The following TMEM175 variants were observed in gnomAD, a reference collection of about 807,000 sequenced individuals.
TMEM175 encodes the protein transmembrane protein 175.
TMEM175 carries 36 observed loss-of-function variants against 36.5 expected under a neutral mutation model. The ratio of observed to expected loss-of-function variants is 0.99; its 90% CI spans 0.76 to 1.30. The LOEUF (loss-of-function observed/expected upper bound fraction) is 1.30. Ranked by LOEUF, TMEM175 falls within the 50% of genes most tolerant of loss-of-function variation. TMEM175 has a pLI of 0.00. For missense variants in TMEM175, 705 were observed against 692.8 expected, an observed-to-expected ratio of 1.02 and a Z score of -0.20; for synonymous variants, 339 against 313.4, an observed-to-expected ratio of 1.08 and a Z score of -0.86.
At position 958,471 on chromosome 4, in the gene TMEM175, C is replaced by T. The variant is rs1434274928; in HGVS notation, c.1490C>T (p.Ser497Phe). Residue 497 changes from serine (S) to phenylalanine (F), a missense_variant, in exon 11 of 11, where the codon TCC becomes TTC. Transcript: ENST00000264771. ...PAPTGQDDPQ[S>F]QLLPAPC ...CCCACGGGCCAGGACGACCCACAGT[C>T]CCAGCTCCTCCCTGCCCCCTGCTAG... is the stretch of plus-strand genomic sequence containing the variant. 7 of 1,558,584 alleles carry T rather than the reference C, an allele frequency of 4.5e-6. No homozygotes were observed. Among genetic ancestry groups the T allele is most frequent in the Admixed American group, 1.9e-5 (1 of 53,766 alleles).
chr4:939,577 G>T (rs186368964), intron 1 of TMEM175, among the ~76,000 whole-genome samples: 3 of 152,136 alleles, frequency 2.0e-5, no homozygotes, highest in Non-Finnish European at 2.9e-5. Flanking sequence ...TTAGCTGGGC[G>T]TGGGGGTGAG....
chr4:948,669 A>G (rs1159518645), intron 3 of TMEM175: 3 of 1,216,678 alleles, frequency 2.5e-6, no homozygotes, highest in Non-Finnish European at 3.1e-6. Flanking sequence ...TTTCTGAGCT[A>G]AAGAGCCAAA....
At chr4:956,106 G>A (rs1211899707) in intron 10 of TMEM175, among the ~76,000 whole-genome samples, 2 of 122,166 alleles carry the variant, frequency 1.6e-5, no homozygotes, top group South Asian at 4.8e-4. Flanking sequence ...CCTTCCCAGC[G>A]GCTCCCACCC....
intron 1 of TMEM175, among the ~76,000 whole-genome samples, chr4:942,003 C>G (rs1282940627): frequency 1.3e-5 from 2 of 152,124 alleles, no homozygotes; most frequent in Non-Finnish European, 2.9e-5. Context: ...CATCATTGAT[C>G]CACTTCGAGT....
intron 1 of TMEM175, among the ~76,000 whole-genome samples, chr4:939,854 G>A (rs1727222234): frequency 6.6e-6 from 1 of 152,192 alleles, no homozygotes; most frequent in Admixed American, 6.5e-5. Context: ...GAGATTTTTA[G>A]CCATGACACT....
Position 932,621 on chromosome 4 carries a change from C to G in TMEM175, c.-32+81C>G, listed in dbSNP as rs981194942. ...TGGGAGGCTCCTTCTCAGGTGTCTC[C>G]GGTTTAAGCGCTTCGCCATCCTCTG... On this transcript the variant is annotated intron_variant, in intron 1 of 10. Transcript: ENST00000264771. The surrounding 1 kb of genome is among the most constrained non-coding windows in gnomAD (Gnocchi z 4.0). 2.7e-6 allele frequency: 1 copy of G among 364,670 alleles called. No individual in the cohort carries two copies. 22.6% of individuals were successfully genotyped at this position (364,670 alleles called of 1,614,324 possible).
At chr4:945,061 C>T (rs1312572636) in intron 1 of TMEM175, among the ~76,000 whole-genome samples, 1 of 152,164 alleles carries the variant, frequency 6.6e-6, no homozygotes, top group Non-Finnish European at 1.5e-5. Flanking sequence ...CGTGATTACG[C>T]CACTGCCCTC....
chr4:957,964 A>G lies in TMEM175; in HGVS notation c.983A>G (p.His328Arg), dbSNP rs943803357. ...GTGGGACTGCTGTGGTTCGCCCACC[A>G]CTCACTCTTCCTGCATGTGCGCAAG... ...ATVGLLWFAHHSLFLHVRKAT... is the reference protein window; with the variant it reads ...ATVGLLWFAHRSLFLHVRKAT... The change falls in exon 11 of 11, where the codon CAC (histidine) becomes CGC (arginine). Residue 328 changes from histidine (H) to arginine (R), a missense_variant. Transcript: ENST00000264771. 9 of 1,612,490 alleles carry G rather than the reference A, an allele frequency of 5.6e-6. No individual in the cohort carries two copies. The highest frequency in any genetic ancestry group is 1.3e-5 in the African/African-American group (1 of 74,794).
intron 3 of TMEM175, chr4:948,722 A>G (rs1728499971): frequency 8.7e-7 from 1 of 1,145,550 alleles, no homozygotes. Flanking sequence ...TCTGGGGCCC[A>G]CACCTGCCTG....
chr4:945,537 C>T (rs986770827), intron 1 of TMEM175, among the ~76,000 whole-genome samples: 3 of 152,140 alleles, frequency 2.0e-5, no homozygotes, highest in African/African-American at 7.2e-5. Flanking sequence ...AGTGGAATGC[C>T]TTGTGTGTTT....
chr4:936,419 A>C (rs906301537), intron 1 of TMEM175, among the ~76,000 whole-genome samples: 16 of 152,184 alleles, frequency 1.1e-4, no homozygotes, highest in Admixed American at 1.3e-4. Context: ...TAACAAAAGC[A>C]ATAGAGAAAA....
intron 1 of TMEM175, among the ~76,000 whole-genome samples, chr4:941,116 G>A (rs1257833490): frequency 3.3e-5 from 5 of 149,840 alleles, no homozygotes; most frequent in South Asian, 2.1e-4. Flanking sequence ...AGTGGCTCAC[G>A]CCTGTAATCC....
At chr4:947,267 G>A (rs1340309236) in intron 1 of TMEM175, among the ~76,000 whole-genome samples, 12 of 139,332 alleles carry the variant, frequency 8.6e-5, no homozygotes, top group Middle Eastern at 4.8e-3. Context: ...GGGGGAGAGC[G>A]CGGCCCTGTA....
intron 1 of TMEM175, among the ~76,000 whole-genome samples, chr4:944,714 T>C (rs992593303): frequency 6.6e-6 from 1 of 152,254 alleles, no homozygotes; most frequent in Non-Finnish European, 1.5e-5. Context: ...TTTATAGTTC[T>C]ATACTTGTAG....
At chr4:941,307 C>T (rs1178710050) in intron 1 of TMEM175, among the ~76,000 whole-genome samples, 4 of 137,922 alleles carry the variant, frequency 2.9e-5, no homozygotes, top group Non-Finnish European at 6.0e-5. Context: ...ACCCAGGAGG[C>T]AGAGGTTGCA....
At chr4:948,636 A>G (rs1728492643) in intron 3 of TMEM175, 1 of 1,255,884 alleles carries the variant, frequency 8.0e-7, no homozygotes. Flanking sequence ...AAGGGTTTAC[A>G]AGCAGAGTTT....
rs966249701 is a variant in TMEM175 at position 950,610 on chromosome 4, G to T, written c.290+92G>T. On this transcript the variant is annotated intron_variant, in intron 4 of 10. Coordinates refer to ENST00000264771, the MANE Select transcript of TMEM175 (RefSeq NM_032326.4). ...ACGCACGGGTCCATGGGGTCGGGGA[G>T]GACAGCAGGCTACTCCTCCCACCCT... 4.0e-6 allele frequency: 4 copies of T among 991,418 alleles called. No individual in the cohort carries two copies. In the African/African-American group the frequency reaches 6.4e-5, roughly 16 times the overall value. The allele number at this position is 991,418 out of a possible 1,614,324, so 61.4% of individuals were successfully genotyped here.
chr4:950,797 TGGTGTGGATGGTGCAATAGGTGGA>T (rs1270129759), intron 4 of TMEM175, among the ~76,000 whole-genome samples: 3 of 119,626 alleles, frequency 2.5e-5, no homozygotes, highest in South Asian at 2.8e-4. Flanking sequence ...GAGGTGTGGA[TGGTGTGGATGGTGCAATAGGTGGA>T]GGTGTGGATG....
intron 1 of TMEM175, among the ~76,000 whole-genome samples, chr4:943,198 C>A (rs1727735402): frequency 1.3e-5 from 2 of 152,094 alleles, no homozygotes; most frequent in African/African-American, 4.8e-5. Context: ...AATGAGACAC[C>A]CCTACACGAG....
Sources: allele counts gnomAD v4.1 joint callset (sites outside exome capture counted in the v4.1 genomes callset), GRCh38; gene constraint gnomAD v4.1.1; non-coding constraint Gnocchi (gnomAD v3.1); transcripts MANE v1.5; gene names NCBI Gene and HGNC (gene_info 2026-07-23, HGNC 2026-07-21).